Variants in FSTL5 observed in about 807,000 individuals in gnomAD.
FSTL5 encodes the protein follistatin like 5, also known as follistatin-related protein 5.
In FSTL5, 62 loss-of-function variants were observed where a neutral mutation model predicts 89.1. That is an observed-to-expected ratio of 0.70 (90% CI 0.57 to 0.86). FSTL5 has a LOEUF of 0.86. Ranked by LOEUF, FSTL5 falls within the 40% of genes least tolerant of loss-of-function variation. The pLI is 0.00. For synonymous variants in FSTL5, 383 were observed against 346.2 expected, an observed-to-expected ratio of 1.11 and a Z score of -1.18; for missense variants, 1,057 against 1,001.6, an observed-to-expected ratio of 1.06 and a Z score of -0.75.
intron 8 of FSTL5, among the ~76,000 whole-genome samples, chr4:161,586,469 T>C (rs1733622249): frequency 6.6e-6 from 1 of 152,154 alleles, no homozygotes. Context: ...TCTCTCACAC[T>C]CACATGCTAT....
At chr4:161,511,831 T>C (rs987753577) in intron 10 of FSTL5, among the ~76,000 whole-genome samples, 1 of 152,030 alleles carries the variant, frequency 6.6e-6, no homozygotes, top group Admixed American at 6.6e-5. Flanking sequence ...GACAGAATGA[T>C]CAGCTATGAG....
At chr4:161,763,577 ATG>A (rs1740881062) in intron 5 of FSTL5, among the ~76,000 whole-genome samples, 1 of 152,200 alleles carries the variant, frequency 6.6e-6, no homozygotes, top group South Asian at 2.1e-4. Flanking sequence ...TTCTAGTTCT[ATG>A]TCCACTTATT....
intron 6 of FSTL5, among the ~76,000 whole-genome samples, chr4:161,749,770 C>A (rs1046266755): frequency 1.3e-5 from 2 of 149,620 alleles, no homozygotes; most frequent in African/African-American, 2.5e-5. Flanking sequence ...CCAGCCTGGG[C>A]GACAGAGCGA....
rs1338926557 is a variant in FSTL5 at position 161,751,760 on chromosome 4, G to A, written c.727+7651C>T. Among the ~76,000 whole-genome samples, 5 of 149,462 alleles carry A rather than the reference G, an allele frequency of 3.3e-5. No homozygotes were observed. In the East Asian group the frequency reaches 7.9e-4, roughly 23 times the overall value. On this transcript the variant is annotated intron_variant, in intron 6 of 15. Coordinates refer to ENST00000306100, the MANE Select transcript of FSTL5 (RefSeq NM_020116.5). Reference sequence around the variant, plus strand: ...AGTGTCACTGCACTCCAGCCTGGGTGACAGAGGGAGAACTTGTCTCAAAAA... The same window carrying A: ...AGTGTCACTGCACTCCAGCCTGGGTAACAGAGGGAGAACTTGTCTCAAAAA...
At chr4:161,774,065 TC>T (rs1444553208) in intron 5 of FSTL5, among the ~76,000 whole-genome samples, 2 of 151,880 alleles carry the variant, frequency 1.3e-5, no homozygotes, top group African/African-American at 4.8e-5. Flanking sequence ...ATTGAGACCA[TC>T]CTGGGTAACA....
chr4:161,774,310 C>T (rs1451773767), intron 5 of FSTL5, among the ~76,000 whole-genome samples: 1 of 152,144 alleles, frequency 6.6e-6, no homozygotes, highest in Non-Finnish European at 1.5e-5. Flanking sequence ...CTCTCACCCC[C>T]ACTTCCAAGT....
At chr4:161,848,071 A>G (rs611298) in intron 4 of FSTL5, among the ~76,000 whole-genome samples, 1 of 148,768 alleles carries the variant, frequency 6.7e-6, no homozygotes, top group Non-Finnish European at 1.5e-5. Context: ...AACAAGACAT[A>G]TCAAACAGCA....
At chr4:161,527,243 T>C (rs140353051) in intron 10 of FSTL5, among the ~76,000 whole-genome samples, 1,781 of 152,286 alleles carry the variant, frequency 0.012, 27 homozygotes, top group African/African-American at 0.04. Flanking sequence ...GCTCTCTGTT[T>C]GTCTGTTATT....
intron 2 of FSTL5, among the ~76,000 whole-genome samples, chr4:162,048,040 T>C (rs1164043930): frequency 3.3e-5 from 5 of 151,956 alleles, no homozygotes; most frequent in Admixed American, 3.3e-4. Flanking sequence ...TTAAAGCCTA[T>C]TCCCAGCCAG....
chr4:161,911,305 C>T (rs572021149), intron 4 of FSTL5, among the ~76,000 whole-genome samples: 13 of 151,974 alleles, frequency 8.6e-5, no homozygotes, highest in African/African-American at 1.2e-4. Flanking sequence ...TGGAGCCAAA[C>T]GTCTTATTCA....
At chr4:161,455,763 G>A (rs1733332024) in intron 14 of FSTL5, among the ~76,000 whole-genome samples, 1 of 151,998 alleles carries the variant, frequency 6.6e-6, no homozygotes, top group African/African-American at 2.4e-5. Flanking sequence ...AATCCTGTTA[G>A]TTCTTTCTTC....
At chr4:161,860,339 G>C (rs1731871687) in intron 4 of FSTL5, among the ~76,000 whole-genome samples, 1 of 152,130 alleles carries the variant, frequency 6.6e-6, no homozygotes, top group Non-Finnish European at 1.5e-5. Context: ...CTGAAATGTA[G>C]AGCTAATTAT....
intron 2 of FSTL5, among the ~76,000 whole-genome samples, chr4:162,099,916 C>A (rs1470534105): frequency 1.3e-5 from 2 of 151,588 alleles, no homozygotes; most frequent in African/African-American, 4.9e-5. Context: ...ACTGACAACA[C>A]CAAATGCTGG....
intron 4 of FSTL5, among the ~76,000 whole-genome samples, chr4:161,790,997 A>T (rs2314256): frequency 0.99 from 150,320 of 152,224 alleles, 74,241 homozygotes; most frequent in East Asian, 1. Flanking sequence ...TTTTTGAAAG[A>T]TCTAGATCTA....
intron 3 of FSTL5, among the ~76,000 whole-genome samples, chr4:161,948,016 C>G (rs913402984): frequency 1.3e-5 from 2 of 151,962 alleles, no homozygotes; most frequent in Non-Finnish European, 2.9e-5. Context: ...GTGGCTCACA[C>G]CTGTAATCCC....
intron 1 of FSTL5, among the ~76,000 whole-genome samples, chr4:162,160,251 A>G (rs867130471): frequency 3.0e-4 from 46 of 152,000 alleles, no homozygotes; most frequent in Middle Eastern, 3.4e-3. Flanking sequence ...GGTCCCATCC[A>G]TTATAATAAT....
chr4:162,058,401 C>T (rs1738619540), intron 2 of FSTL5, among the ~76,000 whole-genome samples: 1 of 148,428 alleles, frequency 6.7e-6, no homozygotes, highest in African/African-American at 2.5e-5. Flanking sequence ...ATCAATGTTA[C>T]ACTTTCAACT....
chr4:161,562,908 T>A (rs879455093), intron 8 of FSTL5, among the ~76,000 whole-genome samples: 20 of 152,046 alleles, frequency 1.3e-4, no homozygotes, highest in Non-Finnish European at 2.4e-4. Flanking sequence ...TATTTATCAT[T>A]TTGTAGTTGG....
intron 3 of FSTL5, among the ~76,000 whole-genome samples, chr4:161,970,980 A>T (rs1735466577): frequency 6.6e-6 from 1 of 152,110 alleles, no homozygotes; most frequent in Non-Finnish European, 1.5e-5. Flanking sequence ...ATAACTACAT[A>T]AAAGGAGACT....
Sources: gnomAD v4.1 joint callset for allele counts (sites outside exome capture counted in the v4.1 genomes callset) on GRCh38, gnomAD v4.1.1 for gene constraint, MANE v1.5 for transcripts, NCBI Gene and HGNC (gene_info 2026-07-23, HGNC 2026-07-21) for gene names.